The following NPEPL1 variants were observed in gnomAD, a reference collection of about 807,000 sequenced individuals.
NPEPL1 encodes aminopeptidase like 1, also known as probable aminopeptidase NPEPL1.
Under a neutral mutation model 52.4 loss-of-function variants are expected in NPEPL1, and 45 were observed. The ratio of observed to expected loss-of-function variants is 0.86; its 90% CI spans 0.68 to 1.10. NPEPL1 has a LOEUF of 1.10. Ranked by LOEUF, NPEPL1 falls within the 50% of genes least tolerant of loss-of-function variation. The pLI is 0.00. For missense variants in NPEPL1, 696 were observed against 710.9 expected (o/e 0.98, Z 0.24); for synonymous variants, 360 against 314.7 (o/e 1.14, Z -1.52).
chr20:58,694,585 C>T lies in NPEPL1; in HGVS notation c.500C>T (p.Thr167Ile). The change falls in exon 3 of 12, where the codon ACA (threonine) becomes ATA (isoleucine). Residue 167 changes from threonine (T) to isoleucine (I), a missense_variant. Transcript: ENST00000356091. ...GACAACGGGCCGGTGGAGGTGTCCA[C>T]ATTGCAGGTGGGTGTCTGGAAGGGC... ...GQDNGPVEVS[T>I]LQCLANATDG... 1 of 1,612,000 alleles carries T rather than the reference C, an allele frequency of 6.2e-7. No individual in the cohort carries two copies.
chr20:58,707,548 C>T (rs1038083752), intron 7 of NPEPL1, among the ~76,000 whole-genome samples: 12 of 152,360 alleles, frequency 7.9e-5, no homozygotes, highest in African/African-American at 2.6e-4. Context: ...CGTTGTTCTG[C>T]GTACCCCTCC....
upstream of NPEPL1, chr20:58,692,796 G>T (rs972269323): frequency 2.1e-6 from 2 of 972,478 alleles, no homozygotes; most frequent in Non-Finnish European, 2.4e-6. The surrounding 1 kb of genome is among the most constrained non-coding windows in gnomAD (Gnocchi z 5.7). Context: ...GCGGGCTGCC[G>T]GGCAGGGCCG....
intron 11 of NPEPL1, chr20:58,714,883 T>C (rs2084922734): frequency 1.5e-5 from 9 of 609,352 alleles, no homozygotes; most frequent in South Asian, 6.0e-5. Flanking sequence ...CTGTCCTCCA[T>C]AGGGGATCCT....
chr20:58,693,930 C>A lies in NPEPL1; in HGVS notation c.336+8C>A. On this transcript the variant is annotated splice_region_variant and intron_variant, in intron 2 of 11. Coordinates refer to ENST00000356091, the MANE Select transcript of NPEPL1 (RefSeq NM_024663.4). ...GCGCATCGCTGCATTGTGGTGAGTG[C>A]TTCGAGAGGAGGCAGCCACGGTGCT... 6.4e-7 allele frequency: 1 copy of A among 1,568,130 alleles called. No individual in the cohort carries two copies. The highest frequency in any genetic ancestry group is 1.9e-5 in the Admixed American group (1 of 54,040).
chr20:58,704,674 A>C (rs931711449), intron 6 of NPEPL1, among the ~76,000 whole-genome samples: 1 of 152,228 alleles, frequency 6.6e-6, no homozygotes, highest in Non-Finnish European at 1.5e-5. Flanking sequence ...GATGTAGTCT[A>C]TGGAAATGTG....
Position 58,715,222 on chromosome 20 carries a change from G to GC in NPEPL1, c.1470dup (p.Ser491LeufsTer2). On this transcript the variant is annotated frameshift_variant, in exon 12 of 12. Coordinates refer to ENST00000356091, the MANE Select transcript of NPEPL1 (RefSeq NM_024663.4). LOFTEE classifies it high-confidence loss of function. Reference sequence around the variant, plus strand: ...CCTCCTGCTGGCGCTCTTCGGCCGTGCCTCTGAGGACCCTCTGCTGAACCT... The same window carrying GC: ...CCTCCTGCTGGCGCTCTTCGGCCGTGCCCTCTGAGGACCCTCTGCTGAACCT... 6.2e-7 allele frequency: 1 copy of GC among 1,608,938 alleles called. No homozygotes were observed. The highest frequency in any genetic ancestry group is 8.5e-7 in the Non-Finnish European group (1 of 1,178,826).
chr20:58,702,413 G>A (rs145809534), intron 6 of NPEPL1, among the ~76,000 whole-genome samples: 52 of 152,322 alleles, frequency 3.4e-4, no homozygotes, highest in African/African-American at 1.1e-3. Context: ...AGCTCGCCGC[G>A]CTCTCTAGCA....
At position 58,699,293 on chromosome 20, in the gene NPEPL1, C is replaced by T; in HGVS notation, c.679+15C>T. On this transcript the variant is annotated intron_variant, in intron 5 of 11. Coordinates refer to ENST00000356091, the MANE Select transcript of NPEPL1 (RefSeq NM_024663.4). ...AGGATTTGGAGGTGGGTGGGGGCTGCATCCCTGCAGCTCTTGGCCTCGGGC... is the reference window on the plus strand; with the variant it reads ...AGGATTTGGAGGTGGGTGGGGGCTGTATCCCTGCAGCTCTTGGCCTCGGGC... 1 of 1,594,698 alleles carries T rather than the reference C, an allele frequency of 6.3e-7. No homozygotes were observed. The highest frequency in any genetic ancestry group is 8.5e-7 in the Non-Finnish European group (1 of 1,169,650).
At chr20:58,710,019 G>A (rs997618029) in intron 7 of NPEPL1, among the ~76,000 whole-genome samples, 1 of 146,326 alleles carries the variant, frequency 6.8e-6, no homozygotes, top group Non-Finnish European at 1.5e-5. Context: ...GGGTGTTGAG[G>A]AATTGTTTGT....
chr20:58,712,771 G>A, intron 8 of NPEPL1, 192 bp downstream of exon 8: 1 of 681,764 alleles, frequency 1.5e-6, no homozygotes, highest in Non-Finnish European at 2.7e-6. Context: ...GGGGCCCATG[G>A]CACCTGGATG....
intron 6 of NPEPL1, among the ~76,000 whole-genome samples, chr20:58,705,021 A>G (rs143576175): frequency 2.2e-3 from 328 of 152,346 alleles, no homozygotes; most frequent in African/African-American, 7.6e-3. Context: ...ATATAGTATC[A>G]AAAAATCACT....
At chr20:58,715,021 C>G in intron 11 of NPEPL1, 147 bp from the exon 12 acceptor site, 2 of 929,648 alleles carry the variant, frequency 2.2e-6, no homozygotes, top group Non-Finnish European at 3.1e-6. Context: ...ATGGAAGGCT[C>G]TGGGCTCCGG....
At chr20:58,702,180 G>A (rs2123113854) in intron 6 of NPEPL1, among the ~76,000 whole-genome samples, 1 of 152,386 alleles carries the variant, frequency 6.6e-6, no homozygotes, top group Admixed American at 6.5e-5. Context: ...TTTGAAACCA[G>A]GAAGGATTCT....
intron 3 of NPEPL1, among the ~76,000 whole-genome samples, chr20:58,696,242 T>TGCTCCTCTGCAGGGGTCCTTCCCTC (rs1166406426): frequency 6.6e-6 from 1 of 151,904 alleles, no homozygotes; most frequent in Non-Finnish European, 1.5e-5. Context: ...CTCCTGCTCT[T>TGCTCCTCTGCAGGGGTCCTTCCCTC]GCTCCTCTGC....
rs1228798273 is a variant in NPEPL1 at position 58,713,821 on chromosome 20, C to G, written c.1126-96C>G. On this transcript the variant is annotated intron_variant, in intron 9 of 11. Transcript: ENST00000356091. This position sits in a 1 kb window ranked among gnomAD's most constrained non-coding sequence, Gnocchi z 4.6. The stretch of plus-strand genomic sequence containing the variant: ...TTCTCAACCGTCTCTTTTCTGGCTC[C>G]CTTATTTCTCTGTCTGCCTCCCGGT... 1 of 1,303,752 alleles carries G rather than the reference C, an allele frequency of 7.7e-7. No individual in the cohort carries two copies. Among genetic ancestry groups the G allele is most frequent in the East Asian group, 2.7e-5 (1 of 36,510 alleles). 80.8% of individuals were successfully genotyped at this position (1,303,752 alleles called of 1,614,324 possible).
rs1330921587 is a variant in NPEPL1 at position 58,715,292 on chromosome 20, T to C, written c.1538T>C (p.Leu513Pro). Residue 513 changes from leucine (L) to proline (P), a missense_variant, in exon 12 of 12, where the codon CTG becomes CCG. Transcript: ENST00000356091. ...GAGGTGGATGTCGAGGAGGGGGACC[T>C]GGGGAGGGACTCCAAGAGACGCAGG... ...GCEVDVEEGD[L>P]GRDSKRRRLV The C allele has an allele frequency of 6.2e-7, 1 of 1,610,682 alleles. No homozygotes were observed. Among genetic ancestry groups the C allele is most frequent in the East Asian group, 2.2e-5 (1 of 44,828 alleles).
At chr20:58,692,138 A>C (rs1224367769), upstream of NPEPL1, 2 of 411,558 alleles carry the variant, frequency 4.9e-6, no homozygotes, top group African/African-American at 4.0e-5. This position sits in a 1 kb window ranked among gnomAD's most constrained non-coding sequence, Gnocchi z 5.7. Context: ...CCCCCCATGC[A>C]GCCAGGCAGT....
Position 58,712,784 on chromosome 20 carries a change from G to A in NPEPL1, c.1001+205G>A, listed in dbSNP as rs1412904701. 32 of 674,782 alleles carry A rather than the reference G, an allele frequency of 4.7e-5. No homozygotes were observed. In the Admixed American group the frequency reaches 6.5e-4, roughly 14 times the overall value. The allele number at this position is 674,782 out of a possible 1,614,324, so 41.8% of individuals were successfully genotyped here. Reference sequence around the variant, plus strand: ...GAGGGGCCCATGGCACCTGGATGAGGTGCTAGGCTCCCGTGCAGTGCCTGG... The same window carrying A: ...GAGGGGCCCATGGCACCTGGATGAGATGCTAGGCTCCCGTGCAGTGCCTGG... On this transcript the variant is annotated intron_variant, in intron 8 of 11. Transcript: ENST00000356091.
upstream of NPEPL1, among the ~76,000 whole-genome samples, chr20:58,689,667 C>T (rs1277114565): frequency 6.6e-6 from 1 of 152,220 alleles, no homozygotes; most frequent in East Asian, 1.9e-4. Flanking sequence ...CACACTTTAA[C>T]CGATCCCTCC....
Sources: gnomAD v4.1 joint callset for allele counts (sites outside exome capture counted in the v4.1 genomes callset) on GRCh38, gnomAD v4.1.1 for gene constraint, Gnocchi (gnomAD v3.1) non-coding constraint, MANE v1.5 for transcripts, NCBI Gene and HGNC (gene_info 2026-07-23, HGNC 2026-07-21) for gene names.